XRCC4: variants seen among roughly 807,000 people sequenced by gnomAD.
The protein encoded by XRCC4 is X-ray repair cross complementing 4, also known as DNA repair protein XRCC4.
In XRCC4, 28 loss-of-function variants were observed where a neutral mutation model predicts 39.1. That is an observed-to-expected ratio of 0.72 (90% CI 0.53 to 0.98). The LOEUF (loss-of-function observed/expected upper bound fraction) is 0.98, where lower values mean the gene tolerates loss of function less well. XRCC4 is among the 50% of genes least tolerant of loss of function. The probability of loss-of-function intolerance (pLI) is 0.00; values close to 1 mark genes in which losing one functional copy is unlikely to be tolerated. For synonymous variants in XRCC4, 123 were observed against 126.4 expected, an observed-to-expected ratio of 0.97 and a Z score of 0.18; for missense variants, 350 against 376.4, an observed-to-expected ratio of 0.93 and a Z score of 0.58.
At position 83,131,993 on chromosome 5, in the gene XRCC4, T is replaced by C. The variant is rs142496427; in HGVS notation, c.315+20790T>C. Among the ~76,000 whole-genome samples the C allele has an allele frequency of 3.9e-3, 593 of 152,306 alleles. 6 individuals are homozygous for C. The highest frequency in any genetic ancestry group is 0.013 in the African/African-American group (552 of 41,580). On this transcript the variant is annotated intron_variant, in intron 3 of 7. Transcript: ENST00000396027. ...CTTAGCATCGATGGTCTTTACAATT[T>C]GGCATGTTTTTGCAGTGGCTCATAC...
At chr5:83,133,346 T>C (rs1747702979) in intron 3 of XRCC4, among the ~76,000 whole-genome samples, 1 of 152,180 alleles carries the variant, frequency 6.6e-6, no homozygotes, top group African/African-American at 2.4e-5. Context: ...AGGGACCCAC[T>C]TGAGGAGGCA....
intron 3 of XRCC4, among the ~76,000 whole-genome samples, chr5:83,179,015 C>T (rs1009216041): frequency 2.6e-5 from 4 of 152,140 alleles, no homozygotes; most frequent in East Asian, 1.9e-4. Context: ...AGGTTGATAC[C>T]GGTTTACTCC....
At chr5:83,237,303 C>A (rs1404842694) in intron 6 of XRCC4, among the ~76,000 whole-genome samples, 1 of 152,028 alleles carries the variant, frequency 6.6e-6, no homozygotes, top group Non-Finnish European at 1.5e-5. Context: ...ACACATATAT[C>A]CAACCTAAGT....
chr5:83,233,125 T>C (rs949130757), intron 6 of XRCC4, among the ~76,000 whole-genome samples: 3 of 152,200 alleles, frequency 2.0e-5, no homozygotes, highest in African/African-American at 7.2e-5. Context: ...AACTAAGTTG[T>C]CAATTATCAT....
intron 3 of XRCC4, among the ~76,000 whole-genome samples, chr5:83,133,328 C>T (rs957465332): frequency 6.6e-6 from 1 of 152,202 alleles, no homozygotes; most frequent in Non-Finnish European, 1.5e-5. Context: ...TTAGGCTACT[C>T]GGGCGTCAGG....
chr5:83,180,287 GGA>G (rs766429546), intron 3 of XRCC4, among the ~76,000 whole-genome samples: 1 of 152,108 alleles, frequency 6.6e-6, no homozygotes, highest in Non-Finnish European at 1.5e-5. Context: ...TCATAGTATA[GGA>G]GAGAGTATTG....
At chr5:83,115,072 A>G (rs10060121) in intron 3 of XRCC4, among the ~76,000 whole-genome samples, 6,365 of 152,192 alleles carry the variant, frequency 0.042, 412 homozygotes, top group African/African-American at 0.14. Flanking sequence ...ACAGCACAGG[A>G]AAGACCCACC....
chr5:83,078,364 G>T (rs948168427), intron 1 of XRCC4, among the ~76,000 whole-genome samples: 17 of 152,304 alleles, frequency 1.1e-4, no homozygotes, highest in African/African-American at 4.1e-4. Flanking sequence ...TTCACTCTTT[G>T]CCCCCTTATG....
intron 7 of XRCC4, among the ~76,000 whole-genome samples, chr5:83,343,326 T>A (rs995578214): frequency 2.0e-5 from 3 of 152,142 alleles, no homozygotes; most frequent in Non-Finnish European, 4.4e-5. Flanking sequence ...AGGCAGGAAT[T>A]GACCATTTGC....
chr5:83,253,659 A>C (rs1460018330), intron 6 of XRCC4, among the ~76,000 whole-genome samples: 1 of 152,170 alleles, frequency 6.6e-6, no homozygotes, highest in African/African-American at 2.4e-5. Context: ...CTATAAATAC[A>C]AGATAATAAT....
intron 3 of XRCC4, among the ~76,000 whole-genome samples, chr5:83,161,900 A>G (rs1221237904): frequency 1.3e-5 from 2 of 152,132 alleles, no homozygotes; most frequent in African/African-American, 2.4e-5. Flanking sequence ...ATGTTATTCA[A>G]TCTTCCTGTA....
chr5:83,157,572 A>G (rs1749022291), intron 3 of XRCC4, among the ~76,000 whole-genome samples: 1 of 152,110 alleles, frequency 6.6e-6, no homozygotes, highest in South Asian at 2.1e-4. Context: ...TTTATAATTA[A>G]TATTTCAGAT....
chr5:83,294,956 T>C (rs1561459667), intron 7 of XRCC4, among the ~76,000 whole-genome samples: 1 of 152,062 alleles, frequency 6.6e-6, no homozygotes, highest in African/African-American at 2.4e-5. Flanking sequence ...GCAAAATTAG[T>C]AGACAAATAA....
In XRCC4 at chr5:83,195,810, C is replaced by T. The variant is rs768175717; in HGVS notation, c.356C>T (p.Pro119Leu). The change falls in exon 4 of 8, where the codon CCA (proline) becomes CTA (leucine). Residue 119 changes from proline to leucine, a missense_variant. Transcript: ENST00000396027. ...GSFNLEKVEN[P>L]AEVIRELICY... ...TTCAACCTAGAGAAAGTTGAAAACC[C>T]AGCTGAAGTCATTAGAGAACTTATT... 1.9e-6 allele frequency: 3 copies of T among 1,609,470 alleles called. No individual in the cohort carries two copies. In the African/African-American group the frequency reaches 4.0e-5, roughly 22 times the overall value.
chr5:83,124,872 A>T (rs547000261), intron 3 of XRCC4, among the ~76,000 whole-genome samples: 1 of 152,190 alleles, frequency 6.6e-6, no homozygotes, highest in African/African-American at 2.4e-5. Context: ...AGGATTGTGA[A>T]TGCAGGGCTG....
chr5:83,294,724 A>AAAAT (rs1561459586), intron 7 of XRCC4, among the ~76,000 whole-genome samples: 1 of 152,094 alleles, frequency 6.6e-6, no homozygotes, highest in Non-Finnish European at 1.5e-5. Context: ...TATCAAAAAT[A>AAAAT]AAACATATAA....
At chr5:83,343,070 C>CTTTT (rs57984474) in intron 7 of XRCC4, among the ~76,000 whole-genome samples, 9 of 145,752 alleles carry the variant, frequency 6.2e-5, no homozygotes, top group East Asian at 4.0e-4. Context: ...AAATATTTGA[C>CTTTT]TTTTTTTTTT....
the XRCC4 span, among the ~76,000 whole-genome samples, chr5:83,364,257 A>C: frequency 6.6e-6 from 1 of 152,120 alleles, no homozygotes; most frequent in African/African-American, 2.4e-5. Context: ...TTCAAGTTTC[A>C]ACAGAAAATT....
intron 6 of XRCC4, among the ~76,000 whole-genome samples, chr5:83,230,534 T>A (rs1752458508): frequency 6.6e-6 from 1 of 152,078 alleles, no homozygotes; most frequent in African/African-American, 2.4e-5. Context: ...TTAATTTTTT[T>A]AACTGACAGT....
Sources: allele counts gnomAD v4.1 joint callset (sites outside exome capture counted in the v4.1 genomes callset), GRCh38; gene constraint gnomAD v4.1.1; transcripts MANE v1.5; gene names NCBI Gene and HGNC (gene_info 2026-07-23, HGNC 2026-07-21).